WWTR1: variants seen among roughly 807,000 people sequenced by gnomAD.
The protein encoded by WWTR1 is WW domain-containing transcription regulator protein 1.
A neutral mutation model predicts 40.1 loss-of-function variants in WWTR1; 13 were observed. The ratio of observed to expected loss-of-function variants is 0.32; its 90% confidence interval spans 0.21 to 0.52. The LOEUF is 0.52. Among genes scored for constraint, WWTR1 ranks in the 20% least tolerant of loss-of-function variants. The pLI is 0.97. For synonymous variants in WWTR1, 230 were observed against 210.1 expected, an observed-to-expected ratio of 1.09 and a Z score of -0.82; for missense variants, 436 against 523.1, an observed-to-expected ratio of 0.83 and a Z score of 1.63.
intron 2 of WWTR1, among the ~76,000 whole-genome samples, chr3:149,618,220 A>G (rs1367428122): frequency 6.6e-6 from 1 of 152,162 alleles, no homozygotes; most frequent in African/African-American, 2.4e-5. Context: ...ACTGAAGAAC[A>G]GTACGAAGGA....
upstream of WWTR1, among the ~76,000 whole-genome samples, chr3:149,662,780 C>A (rs1052570368): frequency 3.3e-5 from 5 of 152,152 alleles, no homozygotes; most frequent in African/African-American, 4.8e-5. Flanking sequence ...ATCTTCATAG[C>A]TTTCTGACCC....
chr3:149,570,569 AAATAATAATAATAAT>A (rs71135699), intron 3 of WWTR1, among the ~76,000 whole-genome samples: 2 of 146,504 alleles, frequency 1.4e-5, no homozygotes, highest in African/African-American at 2.5e-5. Context: ...CTCTTTCTCA[AAATAATAATAATAAT>A]AATAATAATA....
Position 149,722,264 on chromosome 3 carries a change from T to C in WWTR1, n.459+1816A>G, listed in dbSNP as rs189609891. ...CATTTATCTCTGCTCTAATCTTTAT[T>C]ATTTTATTCCTCCTACTAGCTTTGG... On this transcript the variant is annotated intron_variant and non_coding_transcript_variant, in intron 4 of 6. Coordinates refer to the WWTR1 transcript ENST00000474080. Among the ~76,000 whole-genome samples, 9 of 152,240 alleles carry C rather than the reference T, an allele frequency of 5.9e-5. No homozygotes were observed. The East Asian group carries it at 1.7e-3, about 29-fold the overall frequency.
At chr3:149,686,537 C>CTATA (rs777995906) in intron 1 of WWTR1, among the ~76,000 whole-genome samples, 2 of 151,828 alleles carry the variant, frequency 1.3e-5, no homozygotes, top group Non-Finnish European at 2.9e-5. Context: ...CCATCTCTCT[C>CTATA]TATATATATA....
rs568801276 is a variant in WWTR1, at chr3:149,692,534, CAGTT to C, written c.-108+10586_-108+10589del. ...ATAAAAGCCATATATGACAGACCCA[CAGTT>C]AGTGTCACACTTAATGGGAAAAAAC... On this transcript the variant is annotated intron_variant, in intron 1 of 7. Transcript: ENST00000465804. 2.8e-3 allele frequency among the ~76,000 whole-genome samples: 423 copies of C among 152,318 alleles called. 1 individual carries two copies. The highest frequency in any genetic ancestry group is 9.3e-3 in the African/African-American group (388 of 41,578).
chr3:149,621,764 A>G (rs973067266), intron 2 of WWTR1, among the ~76,000 whole-genome samples: 9 of 151,922 alleles, frequency 5.9e-5, no homozygotes, highest in African/African-American at 1.9e-4. Flanking sequence ...AATGCATTAC[A>G]GGTGTTCTCA....
At chr3:149,640,132 C>T (rs569646380) in intron 2 of WWTR1, among the ~76,000 whole-genome samples, 17 of 152,156 alleles carry the variant, frequency 1.1e-4, no homozygotes, top group African/African-American at 3.9e-4. Flanking sequence ...AAGAATTGTG[C>T]CTACTTTTCT....
chr3:149,667,922 C>G (rs932855812), intron 2 of WWTR1, among the ~76,000 whole-genome samples: 3 of 152,010 alleles, frequency 2.0e-5, no homozygotes, highest in African/African-American at 7.3e-5. Flanking sequence ...GATAAGATAC[C>G]AAAGAAAAAG....
intron 4 of WWTR1, among the ~76,000 whole-genome samples, chr3:149,721,912 CT>C (rs1177613822): frequency 6.6e-6 from 1 of 152,114 alleles, no homozygotes; most frequent in Non-Finnish European, 1.5e-5. Flanking sequence ...AGAGATTCAA[CT>C]TTCTTGTTAG....
intron 2 of WWTR1, among the ~76,000 whole-genome samples, chr3:149,629,491 C>T (rs1711500949): frequency 6.6e-6 from 1 of 152,198 alleles, no homozygotes; most frequent in Admixed American, 6.5e-5. Flanking sequence ...TCCCGCTAGA[C>T]CCTGTGGTTT....
Position 149,561,676 on chromosome 3 carries a change from C to T in WWTR1, c.568+11188G>A, listed in dbSNP as rs74357748. On this transcript the variant is annotated intron_variant, in intron 3 of 6. Coordinates refer to ENST00000360632, the MANE Select transcript of WWTR1 (RefSeq NM_015472.6). The stretch of plus-strand genomic sequence containing the variant: ...CACACAGGACTGGTTAAACCAAGTA[C>T]AGTATCTCAACGGAGTGGAACATTA... Among the ~76,000 whole-genome samples, 1,333 of 152,280 alleles carry T rather than the reference C, an allele frequency of 8.8e-3. 15 individuals are homozygous for T. Among genetic ancestry groups the T allele is most frequent in the South Asian group, 0.031 (150 of 4,822 alleles).
At chr3:149,556,408 G>A (rs538398260) in intron 3 of WWTR1, among the ~76,000 whole-genome samples, 27 of 152,202 alleles carry the variant, frequency 1.8e-4, no homozygotes, top group African/African-American at 5.5e-4. Context: ...GTGAAACCCC[G>A]TCTCTACTAA....
At chr3:149,631,924 T>G (rs1305581189) in intron 2 of WWTR1, among the ~76,000 whole-genome samples, 1 of 152,144 alleles carries the variant, frequency 6.6e-6, no homozygotes, top group African/African-American at 2.4e-5. Flanking sequence ...AGCACTTTAT[T>G]TATTTATTCA....
At chr3:149,688,544 G>A (rs777551007) in intron 1 of WWTR1, among the ~76,000 whole-genome samples, 9 of 152,160 alleles carry the variant, frequency 5.9e-5, no homozygotes, top group Non-Finnish European at 1.2e-4. Flanking sequence ...ACTTCTACAA[G>A]TCTGCAAGAG....
chr3:149,570,542 C>T (rs1379643970), intron 3 of WWTR1, among the ~76,000 whole-genome samples: 1 of 150,694 alleles, frequency 6.6e-6, no homozygotes, highest in South Asian at 2.1e-4. Context: ...CACTCCAGCC[C>T]GGATGACAGG....
Position 149,686,971 on chromosome 3 carries a change from C to T in WWTR1, c.-108+16153G>A, listed in dbSNP as rs143797381. ...TATATACTCTGTCGTCCAACTACCT[C>T]ACCCTAAGGTCAGTTACCTTTTGCC... On this transcript the variant is annotated intron_variant, in intron 1 of 7. Transcript: ENST00000465804. Among the ~76,000 whole-genome samples, 110 of 152,304 alleles carry T rather than the reference C, an allele frequency of 7.2e-4. No individual in the cohort carries two copies. In the East Asian group the frequency reaches 0.017, roughly 24 times the overall value.
At chr3:149,643,273 A>G (rs992684009) in intron 2 of WWTR1, among the ~76,000 whole-genome samples, 7 of 152,218 alleles carry the variant, frequency 4.6e-5, no homozygotes, top group African/African-American at 1.7e-4. Flanking sequence ...CAGTTACATA[A>G]TATTTGGAAC....
At chr3:149,538,839 ATTAAAG>A (rs1735949062) in intron 4 of WWTR1, among the ~76,000 whole-genome samples, 1 of 152,210 alleles carries the variant, frequency 6.6e-6, no homozygotes, top group Non-Finnish European at 1.5e-5. Flanking sequence ...TTTAACTTGG[ATTAAAG>A]TTAATTATTT....
At chr3:149,639,731 C>T (rs879309833) in intron 2 of WWTR1, among the ~76,000 whole-genome samples, 8 of 152,154 alleles carry the variant, frequency 5.3e-5, no homozygotes, top group Admixed American at 3.3e-4. Context: ...CAGTGGCTCA[C>T]GCCTGTAATC....
Sources: allele counts gnomAD v4.1 joint callset (sites outside exome capture counted in the v4.1 genomes callset), GRCh38; gene constraint gnomAD v4.1.1; transcripts MANE v1.5; gene names NCBI Gene and HGNC (gene_info 2026-07-23, HGNC 2026-07-21).